The following LRIG1 variants were observed in gnomAD, a reference collection of about 807,000 sequenced individuals.
The protein encoded by LRIG1 is leucine-rich repeats and immunoglobulin-like domains protein 1.
LRIG1 carries 48 observed loss-of-function variants against 99.2 expected under a neutral mutation model. That is an observed-to-expected ratio of 0.48 (90% CI 0.38 to 0.62). LRIG1 has a LOEUF of 0.62. LRIG1 is among the 20% of genes least tolerant of loss of function. The pLI is 0.00. For synonymous variants in LRIG1, 772 were observed against 596.1 expected, an observed-to-expected ratio of 1.29 and a Z score of -4.30; for missense variants, 1,646 against 1,434.4, an observed-to-expected ratio of 1.15 and a Z score of -2.38.
intron 3 of LRIG1, among the ~76,000 whole-genome samples, chr3:66,443,426 C>T (rs1703613276): frequency 6.6e-6 from 1 of 151,884 alleles, no homozygotes; most frequent in African/African-American, 2.4e-5. Context: ...TTTTGGTATT[C>T]CTCTGAATGC....
At chr3:66,438,668 GGTTAC>G (rs1261144567) in intron 3 of LRIG1, among the ~76,000 whole-genome samples, 1 of 152,176 alleles carries the variant, frequency 6.6e-6, no homozygotes, top group Non-Finnish European at 1.5e-5. Context: ...ATGAGCCTTG[GGTTAC>G]GTCCCGACAA....
chr3:66,457,248 A>AT (rs1011426741), intron 2 of LRIG1, among the ~76,000 whole-genome samples: 8 of 151,934 alleles, frequency 5.3e-5, no homozygotes, highest in Non-Finnish European at 1.0e-4. Flanking sequence ...GTCAGCTACG[A>AT]TTTTTTTTCT....
intron 3 of LRIG1, among the ~76,000 whole-genome samples, chr3:66,425,582 G>A (rs1405031933): frequency 6.6e-6 from 1 of 152,224 alleles, no homozygotes; most frequent in African/African-American, 2.4e-5. Context: ...AAAAGGGTGA[G>A]GATGGTGCAA....
intron 1 of LRIG1, among the ~76,000 whole-genome samples, chr3:66,481,413 T>C (rs900805339): frequency 6.6e-6 from 1 of 152,144 alleles, no homozygotes; most frequent in Non-Finnish European, 1.5e-5. Flanking sequence ...TTTCACCTTC[T>C]AGGGAGGCTG....
chr3:66,493,921 GAGAA>G (rs763252482), intron 1 of LRIG1, among the ~76,000 whole-genome samples: 34 of 141,776 alleles, frequency 2.4e-4, no homozygotes, highest in Admixed American at 2.0e-3. Flanking sequence ...GAAGGGAGGA[GAGAA>G]AGAAAAAAGA....
chr3:66,469,421 A>G (rs1288764901), intron 1 of LRIG1, among the ~76,000 whole-genome samples: 2 of 152,210 alleles, frequency 1.3e-5, no homozygotes, highest in Non-Finnish European at 2.9e-5. Flanking sequence ...ACATACAGCT[A>G]TATATGGACC....
chr3:66,384,298 G>C, intron 13 of LRIG1, 26 bp from the exon 14 acceptor site: 2 of 1,594,480 alleles, frequency 1.3e-6, no homozygotes, highest in Middle Eastern at 3.3e-4. Context: ...ATACAGGGTC[G>C]GGTTACGGGA....
Position 66,386,198 on chromosome 3 carries a change from G to T in LRIG1, c.1572C>A (p.Ser524=). ...CTTTCTTCCAGGCAAAGGTCATGGGGGAGCTGCTGCTGCTGGCTGCTGAGC... is the reference window on the plus strand; with the variant it reads ...CTTTCTTCCAGGCAAAGGTCATGGGTGAGCTGCTGCTGCTGGCTGCTGAGC... ...FTCSAASSSS[S]PMTFAWKKDN... Residue 524 remains serine, a synonymous_variant, in exon 13 of 19, where the codon TCC becomes TCA. Transcript: ENST00000273261. 6.2e-7 allele frequency: 1 copy of T among 1,614,130 alleles called. No individual in the cohort carries two copies. The highest frequency in any genetic ancestry group is 8.5e-7 in the Non-Finnish European group (1 of 1,180,024).
intron 3 of LRIG1, among the ~76,000 whole-genome samples, chr3:66,421,555 C>G (rs112948441): frequency 0.014 from 2,063 of 152,332 alleles, 50 homozygotes; most frequent in African/African-American, 0.046. Context: ...AGCTCCACCC[C>G]TATGGCTTTG....
intron 3 of LRIG1, among the ~76,000 whole-genome samples, chr3:66,421,303 A>C (rs1702800498): frequency 6.6e-6 from 1 of 152,194 alleles, no homozygotes; most frequent in Non-Finnish European, 1.5e-5. Context: ...CCACAGTCCA[A>C]AGTCTCTTCT....
rs573094727 is a variant in LRIG1, at chr3:66,421,026, T to A, written c.366-3760A>T. 5.3e-5 allele frequency among the ~76,000 whole-genome samples: 8 copies of A among 152,248 alleles called. 1 individual carries two copies. The South Asian group carries it at 1.5e-3, about 28-fold the overall frequency. ...AGGGAAACTCCTGTTTTTAAAACCA[T>A]CAGGTCTTATGAGACTCATTCACTA... is the stretch of plus-strand genomic sequence containing the variant. On this transcript the variant is annotated intron_variant, in intron 3 of 18. Transcript: ENST00000273261.
intron 3 of LRIG1, among the ~76,000 whole-genome samples, chr3:66,421,636 G>A (rs1014349727): frequency 2.0e-5 from 3 of 152,132 alleles, no homozygotes; most frequent in South Asian, 4.1e-4. Context: ...CCAGGTGCCC[G>A]GTGCAAGCTG....
intron 11 of LRIG1, among the ~76,000 whole-genome samples, chr3:66,397,364 C>T (rs1363320337): frequency 1.3e-5 from 2 of 150,148 alleles, no homozygotes; most frequent in Non-Finnish European, 3.0e-5. Context: ...TCTGTCAGCA[C>T]TTCTAGGAAC....
At chr3:66,464,365 A>C (rs1700423600) in intron 1 of LRIG1, among the ~76,000 whole-genome samples, 1 of 152,194 alleles carries the variant, frequency 6.6e-6, no homozygotes, top group South Asian at 2.1e-4. Context: ...AACAAGGCTG[A>C]CACGGAAGTG....
At position 66,476,087 on chromosome 3, in the gene LRIG1, T is replaced by C. The variant is rs1020179532; in HGVS notation, c.219-13578A>G. Among the ~76,000 whole-genome samples, 6 of 152,164 alleles carry C rather than the reference T, an allele frequency of 3.9e-5. No individual in the cohort carries two copies. In the East Asian group the frequency reaches 7.7e-4, roughly 20 times the overall value. ...GTATTTCAGAACTACCTATATCAAA[T>C]GGCATTGCAACTGAGGACAATGAAG... On this transcript the variant is annotated intron_variant, in intron 1 of 18. Coordinates refer to ENST00000273261, the MANE Select transcript of LRIG1 (RefSeq NM_015541.3).
intron 12 of LRIG1, among the ~76,000 whole-genome samples, chr3:66,391,440 CATTT>C (rs753054870): frequency 1.3e-5 from 2 of 152,078 alleles, no homozygotes; most frequent in Non-Finnish European, 2.9e-5. Context: ...AATGTAAACC[CATTT>C]ATTCAGCCAT....
At chr3:66,408,587 T>C (rs1289461387) in intron 7 of LRIG1, among the ~76,000 whole-genome samples, 1 of 152,166 alleles carries the variant, frequency 6.6e-6, no homozygotes, top group Non-Finnish European at 1.5e-5. Context: ...GGGGCCACGA[T>C]ACACTGGTGA....
intron 9 of LRIG1, among the ~76,000 whole-genome samples, chr3:66,402,289 A>G (rs1702088838): frequency 6.6e-6 from 1 of 152,178 alleles, no homozygotes; most frequent in African/African-American, 2.4e-5. Flanking sequence ...GAACCGCACA[A>G]CCATTTGGAA....
At chr3:66,421,577 C>A (rs1218079115) in intron 3 of LRIG1, among the ~76,000 whole-genome samples, 1 of 152,188 alleles carries the variant, frequency 6.6e-6, no homozygotes, top group African/African-American at 2.4e-5. Flanking sequence ...AGGGTATAGC[C>A]TCCCTCCCAG....
Sources: allele counts gnomAD v4.1 joint callset (sites outside exome capture counted in the v4.1 genomes callset), GRCh38; gene constraint gnomAD v4.1.1; transcripts MANE v1.5; gene names NCBI Gene and HGNC (gene_info 2026-07-23, HGNC 2026-07-21).